The following LUZP2 variants were observed in gnomAD, a reference collection of about 807,000 sequenced individuals.
LUZP2 encodes leucine zipper protein 2.
In LUZP2, 52 loss-of-function variants were observed where a neutral mutation model predicts 51.6. The ratio of observed to expected loss-of-function variants is 1.01; its 90% CI spans 0.81 to 1.27. The LOEUF is 1.27. Among genes scored for constraint, LUZP2 ranks in the 50% most tolerant of loss-of-function variants. LUZP2 has a pLI of 0.00. For synonymous variants in LUZP2, 154 were observed against 137.3 expected (o/e 1.12, Z -0.85); for missense variants, 436 against 395.4 (o/e 1.10, Z -0.87).
chr11:24,850,408 A>T (rs1033077725), intron 5 of LUZP2, among the ~76,000 whole-genome samples: 2 of 152,070 alleles, frequency 1.3e-5, no homozygotes, highest in Non-Finnish European at 2.9e-5. Flanking sequence ...TGTTTTTGTC[A>T]GGTTTGTCAA....
intron 9 of LUZP2, among the ~76,000 whole-genome samples, chr11:25,007,010 G>A (rs181066245): frequency 2.6e-4 from 40 of 152,276 alleles, no homozygotes; most frequent in Admixed American, 2.6e-3. Flanking sequence ...CTATTTTACA[G>A]AGTGCTGATT....
chr11:24,864,603 T>C (rs1851833594), intron 5 of LUZP2, among the ~76,000 whole-genome samples: 1 of 152,198 alleles, frequency 6.6e-6, no homozygotes, highest in South Asian at 2.1e-4. Flanking sequence ...TGGTGGCAAG[T>C]TGTTTGGTCA....
At chr11:25,017,695 T>C (rs533741648) in intron 9 of LUZP2, among the ~76,000 whole-genome samples, 9 of 152,262 alleles carry the variant, frequency 5.9e-5, no homozygotes, top group African/African-American at 2.2e-4. Flanking sequence ...ACACAATACC[T>C]CCAAGTTTGC....
chr11:24,626,531 T>C (rs1253058026), intron 1 of LUZP2, among the ~76,000 whole-genome samples: 3 of 152,192 alleles, frequency 2.0e-5, no homozygotes, highest in Non-Finnish European at 4.4e-5. Context: ...CTTTCATCAA[T>C]GACAAGGTAG....
chr11:24,573,904 G>A (rs936093348), intron 1 of LUZP2, among the ~76,000 whole-genome samples: 2 of 151,074 alleles, frequency 1.3e-5, no homozygotes, highest in East Asian at 3.9e-4. Flanking sequence ...TATACTTTAA[G>A]TTTTAGGGTA....
At chr11:24,537,834 T>C (rs1190219311) in intron 1 of LUZP2, among the ~76,000 whole-genome samples, 3 of 151,880 alleles carry the variant, frequency 2.0e-5, no homozygotes, top group Non-Finnish European at 2.9e-5. Flanking sequence ...TAGAGCTTTA[T>C]CCTTAAACAA....
chr11:24,610,579 G>A (rs563128347), intron 1 of LUZP2, among the ~76,000 whole-genome samples: 4 of 152,276 alleles, frequency 2.6e-5, no homozygotes, highest in Non-Finnish European at 5.9e-5. Flanking sequence ...ACATCTCACA[G>A]AATCCAGTGG....
At chr11:24,838,863 G>A (rs1004548461) in intron 5 of LUZP2, among the ~76,000 whole-genome samples, 2 of 151,454 alleles carry the variant, frequency 1.3e-5, no homozygotes, top group African/African-American at 4.8e-5. Flanking sequence ...ACATACTCAG[G>A]CATTTTGAAG....
In LUZP2 at chr11:24,611,064, T is replaced by TA. The variant is rs397941709; in HGVS notation, c.62+113760dup. ...TACATGACATAGCTTTGTTTTTTTT[T>TA]ATTTTTATTTTTTGTTTTGTTTTGT... is the stretch of plus-strand genomic sequence containing the variant. On this transcript the variant is annotated intron_variant, in intron 1 of 11. Coordinates refer to ENST00000336930, the MANE Select transcript of LUZP2 (RefSeq NM_001009909.4). The surrounding 1 kb of genome is among the most constrained non-coding windows in gnomAD (Gnocchi z 4.6). Among the ~76,000 whole-genome samples the TA allele has an allele frequency of 6.6e-6, 1 of 152,016 alleles. No homozygotes were observed. The highest frequency in any genetic ancestry group is 2.4e-5 in the African/African-American group (1 of 41,382).
At chr11:24,945,818 T>C (rs1489113286) in intron 7 of LUZP2, among the ~76,000 whole-genome samples, 2 of 150,018 alleles carry the variant, frequency 1.3e-5, no homozygotes, top group Non-Finnish European at 3.0e-5. Flanking sequence ...TTTATTGAGA[T>C]ATACTTATAT....
intron 4 of LUZP2, among the ~76,000 whole-genome samples, chr11:24,744,501 G>C (rs1859302749): frequency 6.6e-6 from 1 of 152,058 alleles, no homozygotes. Context: ...GTGCATAAAG[G>C]TGTTCATAGT....
intron 1 of LUZP2, among the ~76,000 whole-genome samples, chr11:24,628,786 T>A (rs1854775722): frequency 6.6e-6 from 1 of 152,236 alleles, no homozygotes; most frequent in Non-Finnish European, 1.5e-5. Context: ...CTGGAACTCC[T>A]GACCTCAAGT....
At chr11:25,020,142 C>T (rs963562132) in intron 9 of LUZP2, among the ~76,000 whole-genome samples, 2 of 151,980 alleles carry the variant, frequency 1.3e-5, no homozygotes, top group African/African-American at 4.8e-5. Context: ...AGAATAACTT[C>T]ACAGTAACCT....
intron 3 of LUZP2, 93 bp downstream of exon 3, chr11:24,732,281 C>G: frequency 1.1e-6 from 1 of 883,996 alleles, no homozygotes; most frequent in South Asian, 1.7e-5. Flanking sequence ...AATATATGAA[C>G]CTATTTATCT....
chr11:24,977,267 T>C (rs992371762), intron 8 of LUZP2, among the ~76,000 whole-genome samples: 14 of 151,662 alleles, frequency 9.2e-5, no homozygotes, highest in Non-Finnish European at 1.9e-4. Context: ...TACATAAATG[T>C]GTTTTATCAA....
At chr11:25,020,840 T>A (rs1857312257) in intron 9 of LUZP2, among the ~76,000 whole-genome samples, 1 of 152,036 alleles carries the variant, frequency 6.6e-6, no homozygotes, top group South Asian at 2.1e-4. Context: ...AGATAAACGT[T>A]GTAATAGGCA....
chr11:25,073,804 C>A (rs1273720834), intron 10 of LUZP2, among the ~76,000 whole-genome samples: 4 of 151,800 alleles, frequency 2.6e-5, no homozygotes, highest in Non-Finnish European at 5.9e-5. Flanking sequence ...GTTTTGTAAC[C>A]ATTAATGTTA....
chr11:24,680,304 G>A (rs1347442607), intron 1 of LUZP2, among the ~76,000 whole-genome samples: 1 of 152,166 alleles, frequency 6.6e-6, no homozygotes, highest in Non-Finnish European at 1.5e-5. Flanking sequence ...TTCTGTAGCA[G>A]CACTAGACTT....
intron 7 of LUZP2, among the ~76,000 whole-genome samples, chr11:24,963,714 T>C (rs1386091092): frequency 6.6e-6 from 1 of 152,194 alleles, no homozygotes; most frequent in Non-Finnish European, 1.5e-5. Flanking sequence ...CCCCTTGTGC[T>C]TCCCGAGTGA....
Sources: gnomAD v4.1 joint callset for allele counts (sites outside exome capture counted in the v4.1 genomes callset) on GRCh38, gnomAD v4.1.1 for gene constraint, Gnocchi (gnomAD v3.1) non-coding constraint, MANE v1.5 for transcripts, NCBI Gene and HGNC (gene_info 2026-07-23, HGNC 2026-07-21) for gene names.